The following SEPTIN1 variants were observed in gnomAD, a reference collection of about 807,000 sequenced individuals.
The protein encoded by SEPTIN1 is septin 1, also known as septin-1.
Under a neutral mutation model 50.7 loss-of-function variants are expected in SEPTIN1, and 52 were observed. That is an observed-to-expected ratio of 1.03 (90% CI 0.82 to 1.29). The LOEUF (loss-of-function observed/expected upper bound fraction) is 1.29, where lower values mean the gene tolerates loss of function less well. SEPTIN1 is among the 50% of genes most tolerant of loss of function. SEPTIN1 has a pLI of 0.00. For synonymous variants in SEPTIN1, 204 were observed against 189.1 expected (o/e 1.08, Z -0.65); for missense variants, 455 against 490.7 (o/e 0.93, Z 0.69).
At position 30,382,419 on chromosome 16, in the gene SEPTIN1, C is replaced by T. The variant is rs2049863585; in HGVS notation, c.19-54G>A. On this transcript the variant is annotated intron_variant, in intron 1 of 10. Transcript: ENST00000321367. The surrounding 1 kb of genome is among the most constrained non-coding windows in gnomAD (Gnocchi z 4.8). ...TGCTGGCAATGGCAGGCAGGGTCCC[C>T]AGGATCACTTGAGTTCCTGGGCTAG... 1.9e-6 allele frequency: 3 copies of T among 1,571,514 alleles called. No individual in the cohort carries two copies. The highest frequency in any genetic ancestry group is 2.7e-5 in the African/African-American group (2 of 73,890).
At position 30,378,349 on chromosome 16, in the gene SEPTIN1, GGGGCGCT is replaced by G; in HGVS notation, c.*78_*84del. ...AGGGCGGCACCCGCGGAGGTCCCGG[GGGGCGCT>G]GGGCAGTGTGGGGCGCGGGGATTGG... On this transcript the variant is annotated 3_prime_UTR_variant, in exon 11 of 11. Transcript: ENST00000321367. 1 of 1,310,126 alleles carries G rather than the reference GGGGCGCT, an allele frequency of 7.6e-7. No individual in the cohort carries two copies. Among genetic ancestry groups the G allele is most frequent in the Non-Finnish European group, 1.0e-6 (1 of 973,918 alleles). The allele number at this position is 1,310,126 out of a possible 1,614,324, so 81.2% of individuals were successfully genotyped here.
At position 30,378,442 on chromosome 16, in the gene SEPTIN1, C is replaced by A; in HGVS notation, c.1111G>T (p.Ala371Ser). The change falls in exon 11 of 11, where the codon GCC becomes TCC. Residue 371 changes from alanine (A) to serine (S), a missense_variant. By Grantham distance (99) the Ala-to-Ser change is moderately conservative. Transcript: ENST00000321367. The part of the protein sequence containing the change: ...QSQAQGEQSD[A>S]L ...CCGGGCGGGGCGTGGCCTCAGAGGG[C>A]GTCTGACTGCTCGCCCTGGGCCTGG... 1.3e-6 allele frequency: 2 copies of A among 1,571,248 alleles called. No individual in the cohort carries two copies. Among genetic ancestry groups the A allele is most frequent in the Non-Finnish European group, 8.6e-7 (1 of 1,166,740 alleles).
intron 6 of SEPTIN1, 27 bp from the exon 7 acceptor site, chr16:30,380,060 T>C (rs2049823962): frequency 6.3e-7 from 1 of 1,580,744 alleles, no homozygotes; most frequent in African/African-American, 1.4e-5. Flanking sequence ...ATAGAGACAG[T>C]GTGAAACGGG....
At chr16:30,379,638 C>CAATT (rs2049813287) in intron 7 of SEPTIN1, 104 bp from the exon 8 acceptor site, 1 of 295,682 alleles carries the variant, frequency 3.4e-6, no homozygotes, top group East Asian at 6.8e-5. Context: ...CTGCCCCTTC[C>CAATT]TCTTTTTTTT....
In SEPTIN1 at chr16:30,381,010, C is replaced by T. The variant is rs893942319; in HGVS notation, c.573+117G>A. On this transcript the variant is annotated intron_variant, in intron 6 of 10. Coordinates refer to ENST00000321367, the MANE Select transcript of SEPTIN1 (RefSeq NM_001365977.2). The surrounding 1 kb of genome is among the most constrained non-coding windows in gnomAD (Gnocchi z 4.3). Reference sequence around the variant, plus strand: ...CACCCGCCTTCCTCAGAAGCTTCTCCTACAATCTAGCCTGATGCACCATGC... The same window carrying T: ...CACCCGCCTTCCTCAGAAGCTTCTCTTACAATCTAGCCTGATGCACCATGC... The T allele has an allele frequency of 5.0e-5, 43 of 865,132 alleles. No homozygotes were observed. The highest frequency in any genetic ancestry group is 7.2e-5 in the Non-Finnish European group (37 of 517,260). 53.6% of individuals were successfully genotyped at this position (865,132 alleles called of 1,614,324 possible).
chr16:30,378,374 G>C lies in SEPTIN1; in HGVS notation c.*60C>G. 1.4e-6 allele frequency: 2 copies of C among 1,450,808 alleles called. No homozygotes were observed. The highest frequency in any genetic ancestry group is 1.8e-6 in the Non-Finnish European group (2 of 1,090,640). The allele number at this position is 1,450,808 out of a possible 1,614,324, so 89.9% of individuals were successfully genotyped here. A position where few individuals can be genotyped will look rare whatever the true frequency, so the allele number is the denominator to read the frequency against. On this transcript the variant is annotated 3_prime_UTR_variant, in exon 11 of 11. Coordinates refer to ENST00000321367, the MANE Select transcript of SEPTIN1 (RefSeq NM_001365977.2). ...GGGGCGCTGGGCAGTGTGGGGCGCGGGGATTGGACAAGAGGCCGACTGAAG... is the reference window on the plus strand; with the variant it reads ...GGGGCGCTGGGCAGTGTGGGGCGCGCGGATTGGACAAGAGGCCGACTGAAG...
In SEPTIN1 at chr16:30,378,875, AGAGG is replaced by A. The variant is rs1212421895; in HGVS notation, c.941+139_941+142del. On this transcript the variant is annotated intron_variant, in intron 9 of 10. Coordinates refer to ENST00000321367, the MANE Select transcript of SEPTIN1 (RefSeq NM_001365977.2). Reference sequence around the variant, plus strand: ...GAGGGGGAGAGAGGGAGAGACGGAGAGAGGGAGGGAGGGAGGGAGGGAGGGAGAG... The same window carrying A: ...GAGGGGGAGAGAGGGAGAGACGGAGAGAGGGAGGGAGGGAGGGAGGGAGAG... 4.0e-3 allele frequency: 1,620 copies of A among 408,066 alleles called. 25 individuals carry two copies. The highest frequency in any genetic ancestry group is 0.036 in the African/African-American group (1,120 of 30,702). The allele number at this position is 408,066 out of a possible 1,614,324, so 25.3% of individuals were successfully genotyped here. A position where few individuals can be genotyped will look rare whatever the true frequency, so the allele number is the denominator to read the frequency against.
rs1369194943 is a variant in SEPTIN1 at position 30,382,154 on chromosome 16, G to T, written c.135C>A (p.Thr45=). 1 of 1,602,058 alleles carries T rather than the reference G, an allele frequency of 6.2e-7. No individual in the cohort carries two copies. The change falls in exon 3 of 11, where the codon ACC becomes ACA. Residue 45 remains threonine, a synonymous_variant. Transcript: ENST00000321367. This position sits in a 1 kb window ranked among gnomAD's most constrained non-coding sequence, Gnocchi z 4.8. Reference sequence around the variant, plus strand: ...TGGTGAGGAAGAGGCTGTTGATGAGGGTGGATTTCCCTAGGCCTGACTCCC... The same window carrying T: ...TGGTGAGGAAGAGGCTGTTGATGAGTGTGGATTTCCCTAGGCCTGACTCCC... ...VAGESGLGKS[T]LINSLFLTNL...
rs745646718 is a variant in SEPTIN1 at position 30,379,189 on chromosome 16, G to A, written c.776-6C>T. ...GCAGTGATGTGGGTTCTCCACTGGA[G>A]GGGGGGCGGCGCGGACCAGCGAACG... On this transcript the variant is annotated splice_region_variant and splice_polypyrimidine_tract_variant and intron_variant, in intron 8 of 10. Transcript: ENST00000321367. 1.2e-6 allele frequency: 2 copies of A among 1,613,442 alleles called. No homozygotes were observed. The highest frequency in any genetic ancestry group is 1.1e-5 in the South Asian group (1 of 91,016).
At position 30,378,292 on chromosome 16, in the gene SEPTIN1, C is replaced by G; in HGVS notation, c.*142G>C. 1 of 824,492 alleles carries G rather than the reference C, an allele frequency of 1.2e-6. No individual in the cohort carries two copies. Among genetic ancestry groups the G allele is most frequent in the East Asian group, 2.7e-5 (1 of 36,574 alleles). 51.1% of individuals were successfully genotyped at this position (824,492 alleles called of 1,614,324 possible). Reference sequence around the variant, plus strand: ...CAGCGCCGGGGCGGGGCTACGGACTCAGGCTGGGAGAACCTCCCCCTAGCC... The same window carrying G: ...CAGCGCCGGGGCGGGGCTACGGACTGAGGCTGGGAGAACCTCCCCCTAGCC... On this transcript the variant is annotated 3_prime_UTR_variant, in exon 11 of 11. Coordinates refer to ENST00000321367, the MANE Select transcript of SEPTIN1 (RefSeq NM_001365977.2).
chr16:30,378,745 A>C (rs774095793), intron 9 of SEPTIN1, 45 bp from the exon 10 acceptor site: 1 of 1,546,966 alleles, frequency 6.5e-7, no homozygotes, highest in Admixed American at 1.8e-5. Context: ...GCGGGACCTG[A>C]GGTTGTGGGT....
chr16:30,379,640 C>CTTT (rs71149011), intron 7 of SEPTIN1, 106 bp from the exon 8 acceptor site: 12,416 of 235,204 alleles, frequency 0.053, 280 homozygotes, highest in East Asian at 0.085. Context: ...GCCCCTTCCT[C>CTTT]TTTTTTTTTT....
At position 30,381,337 on chromosome 16, in the gene SEPTIN1, A is replaced by G. The variant is rs1204122860; in HGVS notation, c.455+2T>C. 3 of 1,597,114 alleles carry G rather than the reference A, an allele frequency of 1.9e-6. No individual in the cohort carries two copies. Among genetic ancestry groups the G allele is most frequent in the African/African-American group, 1.4e-5 (1 of 72,928 alleles). On this transcript the variant is annotated splice_donor_variant, in intron 5 of 10. Coordinates refer to ENST00000321367, the MANE Select transcript of SEPTIN1 (RefSeq NM_001365977.2). LOFTEE classifies it high-confidence loss of function. This position sits in a 1 kb window ranked among gnomAD's most constrained non-coding sequence, Gnocchi z 4.3. ...CCAGCCCCCAGGATCCCCCCACCAG[A>G]CCCCCGGCCGAAGGGTGAGATGAAG...
intron 9 of SEPTIN1, 147 bp from the exon 10 acceptor site, chr16:30,378,847 A>AGAGAGGGGGAGAGAAG: frequency 3.8e-6 from 2 of 530,492 alleles, no homozygotes; most frequent in Non-Finnish European, 6.1e-6. Flanking sequence ...GCGGGTGGGG[A>AGAGAGGGGGAGAGAAG]GAGAGGGGGA....
chr16:30,378,214 G>A lies in SEPTIN1; in HGVS notation c.*220C>T. 1 of 685,700 alleles carries A rather than the reference G, an allele frequency of 1.5e-6. No individual in the cohort carries two copies. The highest frequency in any genetic ancestry group is 2.6e-6 in the Non-Finnish European group (1 of 384,482). 42.5% of individuals were successfully genotyped at this position (685,700 alleles called of 1,614,324 possible). ...ACTCCGGAAGACAGTGATGCGGTCGGAGATTGTGCAGGCCCCGGGCCGGGA... is the reference window on the plus strand; with the variant it reads ...ACTCCGGAAGACAGTGATGCGGTCGAAGATTGTGCAGGCCCCGGGCCGGGA... On this transcript the variant is annotated 3_prime_UTR_variant, in exon 11 of 11. Transcript: ENST00000321367.
Position 30,378,503 on chromosome 16 carries a change from C to A in SEPTIN1, c.1050G>T (p.Glu350Asp). The change falls in exon 11 of 11, where the codon GAG becomes GAT. Residue 350 changes from glutamate (E) to aspartate (D), a missense_variant. Glu to Asp is a conservative substitution (Grantham distance 45). Coordinates refer to ENST00000321367, the MANE Select transcript of SEPTIN1 (RefSeq NM_001365977.2). ...TTTGGGCCTGCATCTTCTCCAGCAT[C>A]TCTTGCATGCGGCGCAGCTGTGCAG... Reference protein sequence around the residue: ...EKDEELRRMQEMLEKMQAQMQ... With the variant: ...EKDEELRRMQDMLEKMQAQMQ... 6.3e-7 allele frequency: 1 copy of A among 1,580,518 alleles called. No homozygotes were observed. The highest frequency in any genetic ancestry group is 1.8e-5 in the Admixed American group (1 of 54,184).
rs370030561 is a variant in SEPTIN1 at position 30,381,919 on chromosome 16, G to A, written c.197-36C>T. The A allele has an allele frequency of 3.7e-6, 6 of 1,612,596 alleles. No individual in the cohort carries two copies. The highest frequency in any genetic ancestry group is 5.1e-6 in the Non-Finnish European group (6 of 1,179,298). ...GGGGAGAGGTCAGGGATCCGGGGAG[G>A]CTCTGAGGCAGAATTAATTTCCTTT... On this transcript the variant is annotated intron_variant, in intron 3 of 10. Transcript: ENST00000321367. The surrounding 1 kb of genome is among the most constrained non-coding windows in gnomAD (Gnocchi z 4.3).
chr16:30,379,514 G>C lies in SEPTIN1; in HGVS notation c.696C>G (p.Val232=), dbSNP rs1366186591. 2.5e-6 allele frequency: 4 copies of C among 1,613,714 alleles called. No individual in the cohort carries two copies. Among genetic ancestry groups the C allele is most frequent in the Non-Finnish European group, 1.7e-6 (2 of 1,179,944 alleles). Reference sequence around the variant, plus strand: ...CCCTCACCACCTCGCATGATCCCACGACTGCAAAAGGGATGCTTTCCTGGA... The same window carrying C: ...CCCTCACCACCTCGCATGATCCCACCACTGCAAAAGGGATGCTTTCCTGGA... ...AEMKESIPFA[V]VGSCEVVRDG... is the part of the protein sequence containing the mutation. The change falls in exon 8 of 11, where the codon GTC becomes GTG. Residue 232 remains valine, a synonymous_variant. Transcript: ENST00000321367.
chr16:30,379,165 C>T lies in SEPTIN1; in HGVS notation c.794G>A (p.Cys265Tyr). Residue 265 changes from cysteine to tyrosine, a missense_variant, in exon 9 of 11, where the codon TGC becomes TAC. By Grantham distance (194) the Cys-to-Tyr change is radical. Coordinates refer to ENST00000321367, the MANE Select transcript of SEPTIN1 (RefSeq NM_001365977.2). ...GTVEVENPHH[C>Y]DFLNLRRMLV... is the part of the protein sequence containing the mutation. The stretch of plus-strand genomic sequence containing the variant: ...CATCCGTCGCAGGTTCAGGAAATCG[C>T]AGTGATGTGGGTTCTCCACTGGAGG... The T allele has an allele frequency of 6.2e-7, 1 of 1,614,132 alleles. No individual in the cohort carries two copies. Among genetic ancestry groups the T allele is most frequent in the South Asian group, 1.1e-5 (1 of 91,080 alleles).
Sources: allele counts gnomAD v4.1 joint callset, GRCh38; gene constraint gnomAD v4.1.1; non-coding constraint Gnocchi (gnomAD v3.1); transcripts MANE v1.5; gene names NCBI Gene and HGNC (gene_info 2026-07-23, HGNC 2026-07-21).